Variants in RPTOR observed in about 807,000 individuals in gnomAD.
RPTOR encodes the protein regulatory associated protein of MTOR complex 1, also known as regulatory-associated protein of mTOR.
In RPTOR, 21 loss-of-function variants were observed where a neutral mutation model predicts 169.9. The ratio of observed to expected loss-of-function variants is 0.12; its 90% CI spans 0.09 to 0.18. The LOEUF is 0.18. Ranked by LOEUF, RPTOR falls within the 10% of genes least tolerant of loss-of-function variation. The pLI is 1.00. For missense variants in RPTOR, 1,133 were observed against 1,855.9 expected (o/e 0.61, Z 7.16); for synonymous variants, 732 against 753.2 (o/e 0.97, Z 0.46).
chr17:80,634,621 CGTGTGCGTACTGT>C, intron 2 of RPTOR, among the ~76,000 whole-genome samples: 1 of 7,248 alleles, frequency 1.4e-4, no homozygotes, highest in Admixed American at 1.4e-3. Flanking sequence ...GTACTGTGTG[CGTGTGCGTACTGT>C]GTGTGTGCAT....
chr17:80,841,180 CAGCTCACACTCACCGCACG>C (rs2067645411), intron 10 of RPTOR, among the ~76,000 whole-genome samples: 1 of 126,916 alleles, frequency 7.9e-6, no homozygotes, highest in Non-Finnish European at 1.6e-5. Flanking sequence ...CACCGCACGG[CAGCTCACACTCACCGCACG>C]GCAGCTCACT....
intron 4 of RPTOR, among the ~76,000 whole-genome samples, chr17:80,710,197 G>A (rs1396812027): frequency 6.6e-6 from 1 of 152,042 alleles, no homozygotes; most frequent in Non-Finnish European, 1.5e-5. Context: ...GTCTTGCCAT[G>A]TTGCCTAGGC....
At chr17:80,682,108 C>CG (rs11368629) in intron 3 of RPTOR, among the ~76,000 whole-genome samples, 2 of 58,062 alleles carry the variant, frequency 3.4e-5, no homozygotes, top group African/African-American at 5.1e-5. Context: ...GTGATTAGGT[C>CG]CCCCCCCCCA....
At chr17:80,919,459 A>C (rs2068718434) in intron 21 of RPTOR, among the ~76,000 whole-genome samples, 1 of 152,242 alleles carries the variant, frequency 6.6e-6, no homozygotes, top group Non-Finnish European at 1.5e-5. Flanking sequence ...AGCAGCCAGA[A>C]GCTGACGCTG....
At chr17:80,669,537 A>ACCATGCCC (rs1465075288) in intron 3 of RPTOR, among the ~76,000 whole-genome samples, 2 of 152,204 alleles carry the variant, frequency 1.3e-5, no homozygotes, top group African/African-American at 4.8e-5. Context: ...GGCGTGCGCC[A>ACCATGCCC]CCATGCCCGG....
At chr17:80,614,862 C>T (rs569648898) in intron 1 of RPTOR, among the ~76,000 whole-genome samples, 5 of 152,304 alleles carry the variant, frequency 3.3e-5, no homozygotes, top group East Asian at 1.9e-4. Flanking sequence ...AGGATACTTG[C>T]GTGTGCTGTT....
intron 7 of RPTOR, among the ~76,000 whole-genome samples, chr17:80,811,585 C>G (rs2067272531): frequency 6.6e-6 from 1 of 151,554 alleles, no homozygotes; most frequent in Non-Finnish European, 1.5e-5. Context: ...ATAGCCACGC[C>G]CTCTCCAACA....
intron 4 of RPTOR, among the ~76,000 whole-genome samples, chr17:80,709,404 C>T (rs2066167515): frequency 6.6e-6 from 1 of 152,204 alleles, no homozygotes; most frequent in African/African-American, 2.4e-5. Context: ...CTGTGGAGCC[C>T]CCGGTGTGCT....
Position 80,609,031 on chromosome 17 carries a change from G to T in RPTOR, c.163-16660G>T. Among the ~76,000 whole-genome samples the T allele has an allele frequency of 6.6e-6, 1 of 152,186 alleles. No individual in the cohort carries two copies. Among genetic ancestry groups the T allele is most frequent in the East Asian group, 1.9e-4 (1 of 5,198 alleles). On this transcript the variant is annotated intron_variant, in intron 1 of 33. Coordinates refer to ENST00000306801, the MANE Select transcript of RPTOR (RefSeq NM_020761.3). This position sits in a 1 kb window ranked among gnomAD's most constrained non-coding sequence, Gnocchi z 4.8. ...AGTCAGAGTGGGCAGGAGGCACTAG[G>T]CCAGGAGAGGAGAGAGTTGGGAGGA...
chr17:80,594,610 C>G (rs968543007), intron 1 of RPTOR, among the ~76,000 whole-genome samples: 6 of 152,196 alleles, frequency 3.9e-5, no homozygotes, highest in Non-Finnish European at 8.8e-5. Context: ...CATATGTGCT[C>G]TGTGTGTGAA....
intron 1 of RPTOR, among the ~76,000 whole-genome samples, chr17:80,614,186 A>C (rs925641657): frequency 3.3e-5 from 5 of 152,032 alleles, no homozygotes; most frequent in East Asian, 1.9e-4. Context: ...CATACTCACC[A>C]AGCCACATGC....
intron 6 of RPTOR, among the ~76,000 whole-genome samples, chr17:80,770,217 G>A (rs903460521): frequency 1.3e-5 from 2 of 152,284 alleles, no homozygotes; most frequent in East Asian, 1.9e-4. Flanking sequence ...CAGCACCCCC[G>A]CCTTAAATAA....
chr17:80,687,559 C>T (rs2065958093), intron 3 of RPTOR, among the ~76,000 whole-genome samples: 1 of 152,240 alleles, frequency 6.6e-6, no homozygotes, highest in Non-Finnish European at 1.5e-5. Context: ...CCCACACCAG[C>T]ACACTGCTCT....
chr17:80,567,238 T>C (rs1351496128), intron 1 of RPTOR, among the ~76,000 whole-genome samples: 1 of 152,114 alleles, frequency 6.6e-6, no homozygotes, highest in East Asian at 1.9e-4. Context: ...CTCAAAGTAC[T>C]GGGATTACAG....
chr17:80,553,109 A>G (rs752973266), intron 1 of RPTOR, among the ~76,000 whole-genome samples: 8 of 152,258 alleles, frequency 5.3e-5, no homozygotes, highest in Non-Finnish European at 1.0e-4. Context: ...GCCAAGCTGT[A>G]CTACTAGTTC....
rs1238370231 is a variant in RPTOR, at chr17:80,742,618, TACAC to T, written c.655-11389_655-11386del. ...TAGACATGCATAGATGCCACACACA[TACAC>T]ACGCACATATACATACATGTCCACA... is the stretch of plus-strand genomic sequence containing the variant. On this transcript the variant is annotated intron_variant, in intron 5 of 33. Transcript: ENST00000306801. Among the ~76,000 whole-genome samples, 9 of 146,430 alleles carry T rather than the reference TACAC, an allele frequency of 6.1e-5. No individual in the cohort carries two copies. In the South Asian group the frequency reaches 8.6e-4, roughly 14 times the overall value.
At chr17:80,678,051 C>T (rs1165257443) in intron 3 of RPTOR, among the ~76,000 whole-genome samples, 1 of 152,190 alleles carries the variant, frequency 6.6e-6, no homozygotes, top group Non-Finnish European at 1.5e-5. Context: ...GCCATGTCCT[C>T]AGTGTGAAAG....
intron 13 of RPTOR, among the ~76,000 whole-genome samples, chr17:80,864,871 T>C (rs995998839): frequency 3.3e-5 from 5 of 152,244 alleles, no homozygotes; most frequent in African/African-American, 9.6e-5. Context: ...AGACAAGGTC[T>C]CATTCTGTTG....
At chr17:80,898,705 C>T (rs1447137712) in intron 20 of RPTOR, among the ~76,000 whole-genome samples, 9 of 133,386 alleles carry the variant, frequency 6.7e-5, no homozygotes, top group African/African-American at 8.4e-5. Flanking sequence ...CCCCCCGCCC[C>T]GGCTCCCCCC....
Sources: gnomAD v4.1 joint callset for allele counts (sites outside exome capture counted in the v4.1 genomes callset) on GRCh38, gnomAD v4.1.1 for gene constraint, Gnocchi (gnomAD v3.1) non-coding constraint, MANE v1.5 for transcripts, NCBI Gene and HGNC (gene_info 2026-07-23, HGNC 2026-07-21) for gene names.